IMPG2: variants seen among roughly 807,000 people sequenced by gnomAD.
IMPG2 encodes the protein IPM 200.
A neutral mutation model predicts 129.2 loss-of-function variants in IMPG2; 91 were observed. The ratio of observed to expected loss-of-function variants is 0.70; its 90% CI spans 0.59 to 0.84. The LOEUF (loss-of-function observed/expected upper bound fraction) is 0.84. Among genes scored for constraint, IMPG2 ranks in the 40% least tolerant of loss-of-function variants. IMPG2 has a pLI of 0.00. For missense variants in IMPG2, 1,430 were observed against 1,461.7 expected (o/e 0.98, Z 0.35); for synonymous variants, 510 against 517.7 (o/e 0.99, Z 0.20).
Position 101,244,754 on chromosome 3 carries a change from A to C in IMPG2, c.1577T>G (p.Leu526Arg), listed in dbSNP as rs1330941059. The C allele has an allele frequency of 6.2e-7, 1 of 1,614,090 alleles. No homozygotes were observed. The highest frequency in any genetic ancestry group is 1.1e-5 in the South Asian group (1 of 91,090). ...ACTTGAAGGCAATGAATCAATAGAA[A>C]GAAAATCTTCTGACTCTTCAACATT... ...LANVEESEDF[L>R]SIDSLPSSSF... Residue 526 changes from leucine to arginine, a missense_variant, in exon 13 of 19, where the codon CTT (leucine) becomes CGT (arginine). Leu to Arg is a moderately radical substitution (Grantham distance 102). Coordinates refer to ENST00000193391, the MANE Select transcript of IMPG2 (RefSeq NM_016247.4).
chr3:101,296,133 T>G (rs1417971920), intron 3 of IMPG2, among the ~76,000 whole-genome samples: 2 of 152,238 alleles, frequency 1.3e-5, no homozygotes, highest in African/African-American at 4.8e-5. Flanking sequence ...CATCCTTGTC[T>G]TGTGCCGGTT....
intron 4 of IMPG2, among the ~76,000 whole-genome samples, chr3:101,286,698 A>G (rs1439066460): frequency 6.6e-6 from 1 of 152,192 alleles, no homozygotes; most frequent in African/African-American, 2.4e-5. Context: ...CTCATGATGG[A>G]AAACCTTCTC....
At chr3:101,253,389 A>C (rs1005505414) in intron 11 of IMPG2, among the ~76,000 whole-genome samples, 20 of 152,154 alleles carry the variant, frequency 1.3e-4, no homozygotes, top group African/African-American at 4.8e-4. Flanking sequence ...GGTAACTCTC[A>C]GAGAACAATC....
chr3:101,317,903 C>G (rs1325833253), intron 2 of IMPG2, among the ~76,000 whole-genome samples: 7 of 151,862 alleles, frequency 4.6e-5, no homozygotes, highest in Admixed American at 1.3e-4. Flanking sequence ...TCCCAAAATA[C>G]CAAGATATTC....
intron 12 of IMPG2, 47 bp downstream of exon 12, chr3:101,245,755 G>T: frequency 6.5e-7 from 1 of 1,542,192 alleles, no homozygotes; most frequent in Non-Finnish European, 9.0e-7. Context: ...TAAAACCCCT[G>T]TCATCGGATA....
At position 101,256,128 on chromosome 3, in the gene IMPG2, GAAAGAAAGAAAGAAAGA is replaced by G. The variant is rs1194018668; in HGVS notation, c.1153+1384_1153+1400del. Among the ~76,000 whole-genome samples, 28 of 99,878 alleles carry G rather than the reference GAAAGAAAGAAAGAAAGA, an allele frequency of 2.8e-4. 1 individual carries two copies. Among genetic ancestry groups the G allele is most frequent in the African/African-American group, 1.1e-3 (27 of 25,232 alleles). 65.5% of individuals were successfully genotyped at this position (99,878 alleles called of 152,430 possible). On this transcript the variant is annotated intron_variant, in intron 10 of 18. Coordinates refer to ENST00000193391, the MANE Select transcript of IMPG2 (RefSeq NM_016247.4). ...AAAGAAAGAAAGAAAAAGAAAGAGA[GAAAGAAAGAAAGAAAGA>G]AAAGAAAGAAAGAAAGAAAGAAAGA...
At chr3:101,257,979 G>A (rs1229996438) in intron 9 of IMPG2, among the ~76,000 whole-genome samples, 4 of 151,974 alleles carry the variant, frequency 2.6e-5, no homozygotes, top group Non-Finnish European at 5.9e-5. Context: ...TAAGAATAGG[G>A]AAAAGAATTC....
At chr3:101,233,034 C>T (rs375377457) in intron 14 of IMPG2, 43 bp from the exon 15 acceptor site, 2 of 1,570,108 alleles carry the variant, frequency 1.3e-6, no homozygotes, top group Non-Finnish European at 1.8e-6. Context: ...AGGCAAAACA[C>T]AGAAACTGGG....
At chr3:101,248,006 C>G (rs961106672) in intron 11 of IMPG2, among the ~76,000 whole-genome samples, 2 of 152,176 alleles carry the variant, frequency 1.3e-5, no homozygotes, top group Non-Finnish European at 2.9e-5. Context: ...AGTCTCTAGT[C>G]TAACATGCTT....
At chr3:101,248,419 C>T (rs1406798455) in intron 11 of IMPG2, among the ~76,000 whole-genome samples, 3 of 152,148 alleles carry the variant, frequency 2.0e-5, no homozygotes, top group Non-Finnish European at 4.4e-5. Context: ...TTGTAAATTG[C>T]CCAGTCTCAG....
At chr3:101,266,661 T>A (rs1469416671) in intron 9 of IMPG2, among the ~76,000 whole-genome samples, 3 of 152,118 alleles carry the variant, frequency 2.0e-5, no homozygotes, top group Non-Finnish European at 4.4e-5. Flanking sequence ...AGAGATTATC[T>A]CAAGACAGTT....
Position 101,226,689 on chromosome 3 carries a change from C to A in IMPG2, c.*280G>T. On this transcript the variant is annotated 3_prime_UTR_variant, in exon 19 of 19. Coordinates refer to ENST00000193391, the MANE Select transcript of IMPG2 (RefSeq NM_016247.4). Reference sequence around the variant, plus strand: ...CAGACAGCAACTGCAGCCCTAAATCCTAGGTCCAGCTTTTTCTTATAGAAT... The same window carrying A: ...CAGACAGCAACTGCAGCCCTAAATCATAGGTCCAGCTTTTTCTTATAGAAT... 2.5e-6 allele frequency: 1 copy of A among 393,048 alleles called. No individual in the cohort carries two copies. The allele number at this position is 393,048 out of a possible 1,614,324, so 24.3% of individuals were successfully genotyped here. A position where few individuals can be genotyped will look rare whatever the true frequency, so the allele number is the denominator to read the frequency against.
At chr3:101,233,596 G>A (rs1040764396) in intron 14 of IMPG2, among the ~76,000 whole-genome samples, 10 of 152,122 alleles carry the variant, frequency 6.6e-5, no homozygotes, top group African/African-American at 2.4e-4. Flanking sequence ...AAATATTTTT[G>A]CCTTCATAAC....
Position 101,251,340 on chromosome 3 carries a change from G to C in IMPG2, c.1239+2356C>G, listed in dbSNP as rs550087557. Reference sequence around the variant, plus strand: ...CTAACAGGCAACATAAAATGTGAAAGTAAACAACTTGACTTTTCAAATAAA... The same window carrying C: ...CTAACAGGCAACATAAAATGTGAAACTAAACAACTTGACTTTTCAAATAAA... On this transcript the variant is annotated intron_variant, in intron 11 of 18. Transcript: ENST00000193391. Among the ~76,000 whole-genome samples the C allele has an allele frequency of 4.7e-4, 72 of 152,268 alleles. 1 individual carries two copies. The highest frequency in any genetic ancestry group is 8.4e-4 in the Non-Finnish European group (57 of 67,996).
intron 7 of IMPG2, among the ~76,000 whole-genome samples, chr3:101,271,734 T>C (rs1356492553): frequency 9.2e-5 from 14 of 152,136 alleles, no homozygotes; most frequent in Admixed American, 9.2e-4. Context: ...AAAACTAAGG[T>C]TCACTATAAC....
intron 8 of IMPG2, among the ~76,000 whole-genome samples, chr3:101,268,461 T>C (rs1250486133): frequency 2.6e-5 from 4 of 152,174 alleles, no homozygotes; most frequent in Non-Finnish European, 4.4e-5. Context: ...ACTTCAAATA[T>C]TTGGCCTCTT....
intron 17 of IMPG2, 70 bp downstream of exon 17, chr3:101,229,310 A>ACC: frequency 2.9e-6 from 1 of 348,674 alleles, no homozygotes; most frequent in Non-Finnish European, 5.6e-6. Flanking sequence ...ACCCCCACCC[A>ACC]CCACCCCCTG....
At chr3:101,240,977 T>G (rs1706400862) in intron 14 of IMPG2, among the ~76,000 whole-genome samples, 1 of 152,216 alleles carries the variant, frequency 6.6e-6, no homozygotes, top group South Asian at 2.1e-4. Flanking sequence ...ATTTTACATT[T>G]CAACAGTGTT....
rs1280129862 is a variant in IMPG2 at position 101,291,960 on chromosome 3, T to C, written c.502-450A>G. On this transcript the variant is annotated intron_variant, in intron 3 of 18. Coordinates refer to ENST00000193391, the MANE Select transcript of IMPG2 (RefSeq NM_016247.4). ...ACAGAATTCAGACAAAAAAGACATATCATATCAATAATTGGATTATTCCCC... is the reference window on the plus strand; with the variant it reads ...ACAGAATTCAGACAAAAAAGACATACCATATCAATAATTGGATTATTCCCC... Among the ~76,000 whole-genome samples, 7 of 152,180 alleles carry C rather than the reference T, an allele frequency of 4.6e-5. No homozygotes were observed. The East Asian group carries it at 1.2e-3, about 25-fold the overall frequency.
Sources: allele counts gnomAD v4.1 joint callset (sites outside exome capture counted in the v4.1 genomes callset), GRCh38; gene constraint gnomAD v4.1.1; transcripts MANE v1.5; gene names NCBI Gene and HGNC (gene_info 2026-07-23, HGNC 2026-07-21).